Variants in IPP observed in about 807,000 individuals in gnomAD.
IPP encodes actin-binding protein IPP.
In IPP, 41 loss-of-function variants were observed where a neutral mutation model predicts 64.1. The ratio of observed to expected loss-of-function variants is 0.64; its 90% CI spans 0.50 to 0.83. The LOEUF is 0.83. Ranked by LOEUF, IPP falls within the 40% of genes least tolerant of loss-of-function variation. IPP has a pLI of 0.00. For synonymous variants in IPP, 214 were observed against 235.2 expected, an observed-to-expected ratio of 0.91 and a Z score of 0.83; for missense variants, 649 against 703.0, an observed-to-expected ratio of 0.92 and a Z score of 0.87.
Position 45,716,232 on chromosome 1 carries a change from G to A in IPP, c.1309+663C>T, listed in dbSNP as rs372996430. On this transcript the variant is annotated intron_variant, in intron 7 of 8. Coordinates refer to ENST00000396478, the MANE Select transcript of IPP (RefSeq NM_005897.3). ...AAAAAAAACGCTAAAGAAGCCTATA[G>A]ACCATGAAAATAATTTATTTTTATT... 3.9e-5 allele frequency among the ~76,000 whole-genome samples: 6 copies of A among 152,212 alleles called. No individual in the cohort carries two copies. In the South Asian group the frequency reaches 1.0e-3, roughly 26 times the overall value.
At chr1:45,721,796 T>TA (rs987649203) in intron 5 of IPP, among the ~76,000 whole-genome samples, 9 of 152,244 alleles carry the variant, frequency 5.9e-5, no homozygotes, top group Admixed American at 2.0e-4. Flanking sequence ...GCGTGGTGGC[T>TA]AACGCCTGTA....
chr1:45,741,539 C>T (rs1646065984), intron 2 of IPP, among the ~76,000 whole-genome samples: 1 of 151,998 alleles, frequency 6.6e-6, no homozygotes, highest in Non-Finnish European at 1.5e-5. Context: ...TTACAATGAA[C>T]CAGGTGCAGT....
At chr1:45,750,194 G>A (rs1469756085) in intron 1 of IPP, among the ~76,000 whole-genome samples, 2 of 152,248 alleles carry the variant, frequency 1.3e-5, no homozygotes, top group Non-Finnish European at 2.9e-5. Flanking sequence ...CCCGGAACAA[G>A]TGTCAAAACA....
At chr1:45,702,221 G>A (rs1339920207) in intron 8 of IPP, among the ~76,000 whole-genome samples, 1 of 150,792 alleles carries the variant, frequency 6.6e-6, no homozygotes, top group African/African-American at 2.4e-5. Context: ...TAGAACTACA[G>A]TTTAATTTTT....
At chr1:45,712,874 A>ATAT (rs1225585068) in intron 8 of IPP, among the ~76,000 whole-genome samples, 1 of 143,698 alleles carries the variant, frequency 7.0e-6, no homozygotes, top group Non-Finnish European at 1.5e-5. Flanking sequence ...AGAAAAAAAA[A>ATAT]AAAAATATAT....
At chr1:45,719,365 A>G (rs1461758698) in intron 5 of IPP, 25 bp from the exon 6 acceptor site, 6 of 1,509,242 alleles carry the variant, frequency 4.0e-6, no homozygotes, top group Non-Finnish European at 5.4e-6. Context: ...AGAGACAAAT[A>G]TTATAAAGTT....
intron 5 of IPP, 129 bp from the exon 6 acceptor site, chr1:45,719,469 A>G (rs954319340): frequency 1.8e-6 from 1 of 569,980 alleles, no homozygotes; most frequent in African/African-American, 1.9e-5. Context: ...TATACTATTC[A>G]TTAACTTTCA....
At chr1:45,740,739 T>C (rs1646051406) in intron 3 of IPP, among the ~76,000 whole-genome samples, 162 bp downstream of exon 3, 1 of 152,020 alleles carries the variant, frequency 6.6e-6, no homozygotes, top group South Asian at 2.1e-4. Context: ...ACACAAAAGT[T>C]GTATCTTAAT....
chr1:45,726,068 C>T (rs1645821549), intron 5 of IPP, among the ~76,000 whole-genome samples: 1 of 146,944 alleles, frequency 6.8e-6, no homozygotes, highest in Admixed American at 6.8e-5. Context: ...CTGCGAGAAA[C>T]ACCCAAGAAT....
At chr1:45,725,064 T>G (rs1472918736) in intron 5 of IPP, among the ~76,000 whole-genome samples, 32 of 41,420 alleles carry the variant, frequency 7.7e-4, no homozygotes, top group South Asian at 2.5e-3. Flanking sequence ...GGGAGGGAGG[T>G]GGGGGGGTCA....
chr1:45,746,074 T>C, intron 2 of IPP, 46 bp downstream of exon 2: 1 of 1,483,048 alleles, frequency 6.7e-7, no homozygotes, highest in Non-Finnish European at 9.3e-7. Context: ...AGTGCATGAG[T>C]GATTGAATCA....
rs536029803 is a variant in IPP at position 45,732,550 on chromosome 1, TA to T, written c.725-2782del. 2.1e-3 allele frequency among the ~76,000 whole-genome samples: 322 copies of T among 151,966 alleles called. 1 individual carries two copies. The highest frequency in any genetic ancestry group is 2.0e-3 in the Non-Finnish European group (137 of 67,966). On this transcript the variant is annotated intron_variant, in intron 3 of 8. Transcript: ENST00000396478. ...GATGTGGAGGAAAAGCTTGAGAAAATAATTGTGAATAGAGAGAAAAAATACT... is the reference window on the plus strand; with the variant it reads ...GATGTGGAGGAAAAGCTTGAGAAAATATTGTGAATAGAGAGAAAAAATACT...
intron 1 of IPP, among the ~76,000 whole-genome samples, chr1:45,749,525 G>GTTTTTTGTTTT (rs1553194755): frequency 2.8e-5 from 3 of 107,090 alleles, no homozygotes; most frequent in East Asian, 6.0e-4. Flanking sequence ...TTTGTTTTTT[G>GTTTTTTGTTTT]TTTTTTTTTT....
chr1:45,729,390 G>A (rs188917810), intron 4 of IPP, among the ~76,000 whole-genome samples: 1 of 152,188 alleles, frequency 6.6e-6, no homozygotes, highest in East Asian at 1.9e-4. Flanking sequence ...CAAAGGTTTA[G>A]ATCACAGAAT....
At chr1:45,717,155 C>T in intron 6 of IPP, 138 bp from the exon 7 acceptor site, 1 of 621,932 alleles carries the variant, frequency 1.6e-6, no homozygotes, top group Non-Finnish European at 2.5e-6. Flanking sequence ...TCCACGATCC[C>T]ATGAAAAAGT....
At position 45,698,968 on chromosome 1, in the gene IPP, C is replaced by T. The variant is rs1037717679; in HGVS notation, c.*998G>A. 14 of 826,218 alleles carry T rather than the reference C, an allele frequency of 1.7e-5. No homozygotes were observed. Among genetic ancestry groups the T allele is most frequent in the African/African-American group, 1.9e-5 (1 of 54,038 alleles). 51.2% of individuals were successfully genotyped at this position (826,218 alleles called of 1,614,324 possible). On this transcript the variant is annotated 3_prime_UTR_variant, in exon 9 of 9. Transcript: ENST00000396478. ...AACTCCTGAGTTCAAGCCATCTTCC[C>T]GTCTCACCTCGGCCTCTCAAAGTGC...
At chr1:45,718,130 T>A (rs1230708906) in intron 6 of IPP, among the ~76,000 whole-genome samples, 1 of 152,198 alleles carries the variant, frequency 6.6e-6, no homozygotes, top group Admixed American at 6.6e-5. Context: ...TATACAAGAA[T>A]AAAAATAATA....
At chr1:45,735,092 C>T (rs561361240) in intron 3 of IPP, among the ~76,000 whole-genome samples, 26 of 147,240 alleles carry the variant, frequency 1.8e-4, no homozygotes, top group Admixed American at 3.4e-4. Flanking sequence ...ATTTTATTTG[C>T]TTTTATTTTG....
At chr1:45,750,086 T>C (rs1018885022) in intron 1 of IPP, among the ~76,000 whole-genome samples, 1 of 151,794 alleles carries the variant, frequency 6.6e-6, no homozygotes, top group African/African-American at 2.4e-5. Flanking sequence ...ACGGTAGAAA[T>C]GCCCAGAGGA....
Sources: allele counts gnomAD v4.1 joint callset (sites outside exome capture counted in the v4.1 genomes callset), GRCh38; gene constraint gnomAD v4.1.1; transcripts MANE v1.5; gene names NCBI Gene and HGNC (gene_info 2026-07-23, HGNC 2026-07-21).